FSHR: variants seen among roughly 807,000 people sequenced by gnomAD.
FSHR encodes follicle stimulating hormone receptor.
Under a neutral mutation model 52.1 loss-of-function variants are expected in FSHR, and 46 were observed. The observed-to-expected ratio is 0.88, with a 90% CI of 0.70 to 1.13. The LOEUF is 1.13. Ranked by LOEUF, FSHR falls within the 50% of genes most tolerant of loss-of-function variation. FSHR has a pLI of 0.00. For missense variants in FSHR, 964 were observed against 834.6 expected, an observed-to-expected ratio of 1.16 and a Z score of -1.91; for synonymous variants, 399 against 309.6, an observed-to-expected ratio of 1.29 and a Z score of -3.03.
chr2:49,100,099 C>G (rs924572747), intron 1 of FSHR, among the ~76,000 whole-genome samples: 1 of 152,126 alleles, frequency 6.6e-6, no homozygotes, highest in Admixed American at 6.6e-5. Context: ...ATGTAATCTT[C>G]ACAACAAACC....
intron 3 of FSHR, among the ~76,000 whole-genome samples, chr2:49,018,371 C>A (rs954518616): frequency 6.6e-6 from 1 of 152,202 alleles, no homozygotes; most frequent in African/African-American, 2.4e-5. Context: ...TGTAGACATG[C>A]TCTCTGTTAG....
intron 2 of FSHR, among the ~76,000 whole-genome samples, chr2:49,029,846 G>T (rs1668038604): frequency 6.6e-6 from 1 of 152,150 alleles, no homozygotes; most frequent in African/African-American, 2.4e-5. Flanking sequence ...TGATCCAAAT[G>T]ATCTCCAGGG....
At chr2:49,075,619 T>C (rs1384913188) in intron 1 of FSHR, among the ~76,000 whole-genome samples, 1 of 152,118 alleles carries the variant, frequency 6.6e-6, no homozygotes, top group Non-Finnish European at 1.5e-5. Flanking sequence ...AACTCTACAA[T>C]TTTATAACAT....
intron 1 of FSHR, among the ~76,000 whole-genome samples, chr2:49,096,725 T>A (rs1670833452): frequency 6.6e-6 from 1 of 152,198 alleles, no homozygotes; most frequent in South Asian, 2.1e-4. Flanking sequence ...TCATGTTGAA[T>A]TGTAATCCCC....
intron 1 of FSHR, among the ~76,000 whole-genome samples, chr2:49,072,774 T>G (rs1669784462): frequency 6.6e-6 from 1 of 152,154 alleles, no homozygotes; most frequent in South Asian, 2.1e-4. Context: ...AAAGGTTTAC[T>G]AAAATGGTTT....
rs72825278 is a variant in FSHR, at chr2:48,993,295, G to T, written c.375-2658C>A. 6.4e-3 allele frequency among the ~76,000 whole-genome samples: 979 copies of T among 152,198 alleles called. 4 individuals are homozygous for T. Among genetic ancestry groups the T allele is most frequent in the Non-Finnish European group, 0.011 (723 of 67,990 alleles). On this transcript the variant is annotated intron_variant, in intron 4 of 9. Coordinates refer to ENST00000406846, the MANE Select transcript of FSHR (RefSeq NM_000145.4). ...CTCATTGACATAGCCAACTAAACTTGTTCCCCCCATTATCACCTCCACCAA... is the reference window on the plus strand; with the variant it reads ...CTCATTGACATAGCCAACTAAACTTTTTCCCCCCATTATCACCTCCACCAA...
chr2:49,105,332 CCTT>C (rs1242914773), intron 1 of FSHR, among the ~76,000 whole-genome samples: 4 of 152,046 alleles, frequency 2.6e-5, no homozygotes, highest in African/African-American at 9.7e-5. Context: ...AAACTCCCCT[CCTT>C]AGTTTTCTCC....
chr2:48,970,432 T>C (rs1204916894), intron 8 of FSHR, among the ~76,000 whole-genome samples: 1 of 152,234 alleles, frequency 6.6e-6, no homozygotes, highest in Non-Finnish European at 1.5e-5. Context: ...TCCTTCTTTT[T>C]GAGATACTCT....
chr2:49,076,657 G>C (rs1156237663), intron 1 of FSHR, among the ~76,000 whole-genome samples: 1 of 152,134 alleles, frequency 6.6e-6, no homozygotes, highest in Non-Finnish European at 1.5e-5. Context: ...ACAATCCAGA[G>C]TCTCATCTGA....
intron 1 of FSHR, among the ~76,000 whole-genome samples, chr2:49,127,040 T>A (rs1672024953): frequency 6.6e-6 from 1 of 152,078 alleles, no homozygotes; most frequent in Non-Finnish European, 1.5e-5. Flanking sequence ...TAACCTTGGA[T>A]GAAAGACTCA....
Position 48,963,352 on chromosome 2 carries a change from A to G in FSHR, c.1469T>C (p.Met490Thr). Residue 490 changes from methionine (M) to threonine (T), a missense_variant, in exon 10 of 10, where the codon ATG becomes ACG. Physicochemically the swap from Met to Thr is moderately conservative, Grantham distance 81 (BLOSUM62 -1). Coordinates refer to ENST00000406846, the MANE Select transcript of FSHR (RefSeq NM_000145.4). ...AAAAGCAAAAATCCAGCCCATCACC[A>G]TGACACTGGCAGCATGGCGGAGCTG... ...KVQLRHAASV[M>T]VMGWIFAFAA... is the part of the protein sequence containing the mutation. 1.2e-6 allele frequency: 2 copies of G among 1,614,068 alleles called. No homozygotes were observed. The highest frequency in any genetic ancestry group is 1.7e-6 in the Non-Finnish European group (2 of 1,179,974).
intron 1 of FSHR, among the ~76,000 whole-genome samples, chr2:49,072,135 A>G (rs1360235651): frequency 2.0e-5 from 3 of 152,184 alleles, no homozygotes; most frequent in Admixed American, 6.6e-5. Flanking sequence ...ATGCTATTAA[A>G]TTACTTAGAA....
chr2:48,985,934 C>T lies in FSHR; in HGVS notation c.525-2768G>A, dbSNP rs1166388249. On this transcript the variant is annotated intron_variant, in intron 6 of 9. Transcript: ENST00000406846. ...TTCACCTTGTTAGCCAGGATGGTCT[C>T]GATTTCCTGACCTCATGATCCACCC... Among the ~76,000 whole-genome samples, 3 of 151,708 alleles carry T rather than the reference C, an allele frequency of 2.0e-5. No individual in the cohort carries two copies. In the East Asian group the frequency reaches 5.8e-4, roughly 30 times the overall value.
intron 1 of FSHR, among the ~76,000 whole-genome samples, chr2:49,076,242 G>C (rs1248481334): frequency 6.6e-6 from 1 of 152,142 alleles, no homozygotes; most frequent in African/African-American, 2.4e-5. Context: ...AATTACAAAA[G>C]AAAGAGGTTT....
At chr2:49,129,280 G>T (rs1672177230) in intron 1 of FSHR, among the ~76,000 whole-genome samples, 1 of 151,898 alleles carries the variant, frequency 6.6e-6, no homozygotes, top group Non-Finnish European at 1.5e-5. Context: ...GTCATCCCTT[G>T]CCTCCCTGCC....
At chr2:49,131,243 CAACA>C (rs1026899752) in intron 1 of FSHR, among the ~76,000 whole-genome samples, 1 of 151,814 alleles carries the variant, frequency 6.6e-6, no homozygotes, top group African/African-American at 2.4e-5. Flanking sequence ...AGTTGAAGAC[CAACA>C]AACAAGATGA....
Position 48,983,143 on chromosome 2 carries a change from T to G in FSHR, c.548A>C (p.Gln183Pro), listed in dbSNP as rs1369121485. ...VILWLNKNGIQEIHNCAFNGT... is the reference protein window; with the variant it reads ...VILWLNKNGIPEIHNCAFNGT... ...ATTGAATGCACAGTTGTGTATTTCT[T>G]GAATCCCATTCTTATTCAGCCATCT... The change falls in exon 7 of 10, where the codon CAA becomes CCA. Residue 183 changes from glutamine to proline, a missense_variant. By Grantham distance (76) the Gln-to-Pro change is moderately conservative (BLOSUM62 -1). Transcript: ENST00000406846. The G allele has an allele frequency of 6.2e-7, 1 of 1,614,166 alleles. No individual in the cohort carries two copies. The highest frequency in any genetic ancestry group is 8.5e-7 in the Non-Finnish European group (1 of 1,180,012).
chr2:49,101,361 A>G (rs1671019964), intron 1 of FSHR, among the ~76,000 whole-genome samples: 1 of 152,130 alleles, frequency 6.6e-6, no homozygotes, highest in African/African-American at 2.4e-5. Context: ...TCCCTCCAGA[A>G]CTGGGAGTAG....
intron 1 of FSHR, among the ~76,000 whole-genome samples, chr2:49,085,557 G>C (rs960355883): frequency 2.0e-5 from 3 of 152,164 alleles, no homozygotes; most frequent in African/African-American, 7.2e-5. Context: ...GTGGTGTGGT[G>C]ATTCCTCAGG....
Sources: allele counts gnomAD v4.1 joint callset (sites outside exome capture counted in the v4.1 genomes callset), GRCh38; gene constraint gnomAD v4.1.1; transcripts MANE v1.5; gene names NCBI Gene and HGNC (gene_info 2026-07-23, HGNC 2026-07-21).